The following SNX22 variants were observed in gnomAD, a reference collection of about 807,000 sequenced individuals.
SNX22 encodes sorting nexin-22.
A neutral mutation model predicts 24.7 loss-of-function variants in SNX22; 23 were observed. The observed-to-expected ratio is 0.93, with a 90% confidence interval of 0.67 to 1.32. The LOEUF is 1.32. Ranked by LOEUF, SNX22 falls within the 40% of genes most tolerant of loss-of-function variation. SNX22 has a pLI of 0.00. For missense variants in SNX22, 261 were observed against 249.9 expected, an observed-to-expected ratio of 1.04 and a Z score of -0.30; for synonymous variants, 99 against 104.0, an observed-to-expected ratio of 0.95 and a Z score of 0.29.
At chr15:64,152,028 T>A in intron 1 of SNX22, 178 bp downstream of exon 1, 1 of 782,456 alleles carries the variant, frequency 1.3e-6, no homozygotes, top group Non-Finnish European at 1.9e-6. Context: ...CGGACCATGG[T>A]TCGAGCTCTT....
chr15:64,155,747 G>A lies in SNX22; in HGVS notation c.*1239G>A, dbSNP rs2081524373. The A allele has an allele frequency of 4.7e-6, 2 of 423,794 alleles. No individual in the cohort carries two copies. The highest frequency in any genetic ancestry group is 4.1e-5 in the African/African-American group (2 of 49,270). 26.3% of individuals were successfully genotyped at this position (423,794 alleles called of 1,614,324 possible). ...GGCAGGCACCCATTGCCACAGGAGA[G>A]TTGCAGGCATGTTGGGATGTAGGCC... On this transcript the variant is annotated 3_prime_UTR_variant, in exon 7 of 7. Transcript: ENST00000325881.
At chr15:64,153,084 ACAGCGCC>A (rs1436898866) in intron 3 of SNX22, 154 bp from the exon 4 acceptor site, 11 of 837,378 alleles carry the variant, frequency 1.3e-5, no homozygotes, top group Admixed American at 1.0e-4. Flanking sequence ...ACCTGTGCAC[ACAGCGCC>A]CAGCGCCCAG....
At chr15:64,154,229 A>C in intron 6 of SNX22, 158 bp from the exon 7 acceptor site, 2 of 1,581,026 alleles carry the variant, frequency 1.3e-6, no homozygotes, top group South Asian at 1.2e-5. Context: ...TGATGTGAAA[A>C]GAATGTGACC....
At chr15:64,153,362 G>C (rs747854777) in intron 4 of SNX22, 23 bp downstream of exon 4, 1 of 1,613,122 alleles carries the variant, frequency 6.2e-7, no homozygotes, top group Non-Finnish European at 8.5e-7. Flanking sequence ...GATGGCGGGG[G>C]CCAGGGGCTG....
chr15:64,153,213 G>C, intron 3 of SNX22, 32 bp from the exon 4 acceptor site: 1 of 1,613,326 alleles, frequency 6.2e-7, no homozygotes, highest in Non-Finnish European at 8.5e-7. Flanking sequence ...TAGTAGCTGG[G>C]TCTGATTGCA....
rs1489285994 is a variant in SNX22 at position 64,151,823 on chromosome 15, C to T, written c.48C>T (p.Pro16=). The stretch of plus-strand genomic sequence containing the variant: ...CGGTGGGGCCCGAGGCCGAGGGGCC[C>T]AGGCAGAGCCCGGAGAAAAGCCACA... ...IPSVGPEAEG[P]RQSPEKSHMV... The change falls in exon 1 of 7, where the codon CCC becomes CCT. Residue 16 remains proline, a synonymous_variant. Coordinates refer to ENST00000325881, the MANE Select transcript of SNX22 (RefSeq NM_024798.3). The T allele has an allele frequency of 2.6e-6, 4 of 1,538,638 alleles. No individual in the cohort carries two copies. Among genetic ancestry groups the T allele is most frequent in the Non-Finnish European group, 2.6e-6 (3 of 1,144,418 alleles).
Position 64,152,752 on chromosome 15 carries a change from A to G in SNX22, c.264+10A>G, listed in dbSNP as rs2081496599. 6.2e-7 allele frequency: 1 copy of G among 1,612,892 alleles called. No homozygotes were observed. Among genetic ancestry groups the G allele is most frequent in the Middle Eastern group, 1.7e-4 (1 of 6,056 alleles). On this transcript the variant is annotated intron_variant, in intron 3 of 6. Transcript: ENST00000325881. ...GGAGGCTTACATCCAGGTATGCGAG[A>G]GCACAGTTGGTTGCCCCCCGGCCTT...
At chr15:64,152,424 C>T in intron 2 of SNX22, 98 bp downstream of exon 2, 2 of 1,320,858 alleles carry the variant, frequency 1.5e-6, no homozygotes, top group Non-Finnish European at 2.1e-6. Context: ...GCCTCCGCCA[C>T]CCCCATTACT....
At chr15:64,152,393 G>GAGGC (rs1423480846) in intron 2 of SNX22, 67 bp downstream of exon 2, 3 of 1,444,866 alleles carry the variant, frequency 2.1e-6, no homozygotes, top group Admixed American at 4.8e-5. Context: ...CAGGCCCTGT[G>GAGGC]AGGCGGGCGG....
rs140876137 is a variant in SNX22, at chr15:64,151,742, C to A, written c.-34C>A. ...GCTCCGGGAGAGTTAGGGCTCCGAG[C>A]CGAGCGCGCGGAGCAGCTGGGGCCG... On this transcript the variant is annotated 5_prime_UTR_variant, in exon 1 of 7. Transcript: ENST00000325881. 558 of 1,522,382 alleles carry A rather than the reference C, an allele frequency of 3.7e-4. 3 individuals are homozygous for A. The East Asian group carries it at 0.014, about 38-fold the overall frequency. 94.3% of individuals were successfully genotyped at this position (1,522,382 alleles called of 1,614,324 possible).
intron 1 of SNX22, 164 bp downstream of exon 1, chr15:64,152,014 C>T: frequency 1.2e-6 from 1 of 815,916 alleles, no homozygotes; most frequent in Non-Finnish European, 1.8e-6. Context: ...ATTTGCCAGC[C>T]TCGCGGACCA....
chr15:64,156,216 G>A lies in SNX22; in HGVS notation c.*1708G>A, dbSNP rs1489129514. On this transcript the variant is annotated 3_prime_UTR_variant, in exon 7 of 7. Transcript: ENST00000325881. This position sits in a 1 kb window ranked among gnomAD's most constrained non-coding sequence, Gnocchi z 6.4. Reference sequence around the variant, plus strand: ...TCCACCGCTCAGGAGAAAGGCCCCAGCGTATGGCTCAGGAGGGCTAAGACC... The same window carrying A: ...TCCACCGCTCAGGAGAAAGGCCCCAACGTATGGCTCAGGAGGGCTAAGACC... 6.3e-7 allele frequency: 1 copy of A among 1,592,466 alleles called. No homozygotes were observed. Among genetic ancestry groups the A allele is most frequent in the Non-Finnish European group, 8.6e-7 (1 of 1,165,554 alleles).
In SNX22 at chr15:64,156,874, T is replaced by C. The variant is rs2081536712; in HGVS notation, c.*2366T>C. 1.2e-6 allele frequency: 2 copies of C among 1,614,040 alleles called. No homozygotes were observed. The highest frequency in any genetic ancestry group is 1.7e-6 in the Non-Finnish European group (2 of 1,180,028). On this transcript the variant is annotated 3_prime_UTR_variant, in exon 7 of 7. Coordinates refer to ENST00000325881, the MANE Select transcript of SNX22 (RefSeq NM_024798.3). This position sits in a 1 kb window ranked among gnomAD's most constrained non-coding sequence, Gnocchi z 6.4. Reference sequence around the variant, plus strand: ...GGCCCGTAGTGCTTCAGTTTGAAGTTCTCATCGGGGAAGCGCTCACCGTAG... The same window carrying C: ...GGCCCGTAGTGCTTCAGTTTGAAGTCCTCATCGGGGAAGCGCTCACCGTAG...
At position 64,153,337 on chromosome 15, in the gene SNX22, G is replaced by A; in HGVS notation, c.357G>A (p.Trp119Ter). The change falls in exon 4 of 7, where the codon TGG becomes TGA. Residue 119 changes from tryptophan to a stop codon, truncating the protein, a stop_gained and splice_region_variant. Transcript: ENST00000325881. LOFTEE classifies it high-confidence loss of function. ...CCACAGACCCCAAGGCTAGCAACTG[G>A]GGGTAAGGGGGGCCGATGGCGGGGG... The part of the protein sequence containing the change: ...HFPTDPKASN[W>*]GTLREFLPGD... 1.2e-6 allele frequency: 2 copies of A among 1,613,784 alleles called. No individual in the cohort carries two copies. Among genetic ancestry groups the A allele is most frequent in the Non-Finnish European group, 1.7e-6 (2 of 1,179,844 alleles).
Position 64,156,568 on chromosome 15 carries a change from T to C in SNX22, c.*2060T>C. 1 of 936,782 alleles carries C rather than the reference T, an allele frequency of 1.1e-6. No homozygotes were observed. The highest frequency in any genetic ancestry group is 2.4e-5 in the East Asian group (1 of 41,636). The allele number at this position is 936,782 out of a possible 1,614,324, so 58.0% of individuals were successfully genotyped here. On this transcript the variant is annotated 3_prime_UTR_variant, in exon 7 of 7. Transcript: ENST00000325881. The surrounding 1 kb of genome is among the most constrained non-coding windows in gnomAD (Gnocchi z 6.4). ...GGAAGAATTTAGAACCTTGGAGGCA[T>C]GGAGGTACAGGGTTTATTCTGGACA...
chr15:64,152,093 C>A (rs1489607327), intron 1 of SNX22, 150 bp from the exon 2 acceptor site: 3 of 837,504 alleles, frequency 3.6e-6, no homozygotes, highest in Admixed American at 4.0e-5. Flanking sequence ...CCCAGGTGTG[C>A]GGGAGCGGAG....
intron 4 of SNX22, 23 bp downstream of exon 4, chr15:64,153,362 G>A (rs747854777): frequency 1.2e-6 from 2 of 1,613,122 alleles, no homozygotes; most frequent in Admixed American, 1.7e-5. Flanking sequence ...GATGGCGGGG[G>A]CCAGGGGCTG....
chr15:64,156,004 A>C lies in SNX22; in HGVS notation c.*1496A>C. The C allele has an allele frequency of 1.2e-6, 2 of 1,614,098 alleles. No homozygotes were observed. The highest frequency in any genetic ancestry group is 1.7e-6 in the Non-Finnish European group (2 of 1,179,982). On this transcript the variant is annotated 3_prime_UTR_variant, in exon 7 of 7. Coordinates refer to ENST00000325881, the MANE Select transcript of SNX22 (RefSeq NM_024798.3). The surrounding 1 kb of genome is among the most constrained non-coding windows in gnomAD (Gnocchi z 6.4). ...AGGGCCTGCACAGACGGTCACTCAA[A>C]GAAAGATGTCCCTGTGCCCTACTCC... is the stretch of plus-strand genomic sequence containing the variant.
intron 6 of SNX22, 49 bp downstream of exon 6, chr15:64,154,051 G>A (rs774624981): frequency 1.2e-6 from 2 of 1,613,984 alleles, no homozygotes; most frequent in Non-Finnish European, 1.7e-6. Flanking sequence ...TGTGGGCTTT[G>A]CATTTCTCGG....
Sources: gnomAD v4.1 joint callset for allele counts on GRCh38, gnomAD v4.1.1 for gene constraint, Gnocchi (gnomAD v3.1) non-coding constraint, MANE v1.5 for transcripts, NCBI Gene and HGNC (gene_info 2026-07-23, HGNC 2026-07-21) for gene names.